Variants in NPEPL1 observed in about 807,000 individuals in gnomAD.
The protein encoded by NPEPL1 is probable aminopeptidase NPEPL1.
NPEPL1 carries 45 observed loss-of-function variants against 52.4 expected under a neutral mutation model. That is an observed-to-expected ratio of 0.86 (90% confidence interval 0.68 to 1.10). NPEPL1 has a LOEUF of 1.10. Among genes scored for constraint, NPEPL1 ranks in the 50% least tolerant of loss-of-function variants. The probability of loss-of-function intolerance (pLI) is 0.00; values close to 1 mark genes in which losing one functional copy is unlikely to be tolerated. For synonymous variants in NPEPL1, 360 were observed against 314.7 expected (o/e 1.14, Z -1.52); for missense variants, 696 against 710.9 (o/e 0.98, Z 0.24).
chr20:58,701,383 G>C (rs943719251), intron 6 of NPEPL1, among the ~76,000 whole-genome samples: 1 of 144,188 alleles, frequency 6.9e-6, no homozygotes, highest in Non-Finnish European at 1.5e-5. Context: ...GGGGGGGGGG[G>C]AGGGGCCCAG....
upstream of NPEPL1, chr20:58,691,708 T>TTTTTTTTA: frequency 1.4e-6 from 1 of 739,654 alleles, no homozygotes; most frequent in South Asian, 2.0e-5. Flanking sequence ...TTTTTTTTTT[T>TTTTTTTTA]TTTTTTCATT....
intron 6 of NPEPL1, among the ~76,000 whole-genome samples, chr20:58,702,537 T>G (rs185659897): frequency 2.8e-4 from 42 of 149,314 alleles, no homozygotes; most frequent in Non-Finnish European, 3.0e-4. Context: ...GGGTTTTTTG[T>G]TTTTTTTTAA....
rs1352634364 is a variant in NPEPL1 at position 58,713,742 on chromosome 20, C to T, written c.1126-175C>T. ...CCAGGCTGGATGCAGAGCCGGGAACCGCCTCCTGTGTGCTTCATGGCCATG... is the reference window on the plus strand; with the variant it reads ...CCAGGCTGGATGCAGAGCCGGGAACTGCCTCCTGTGTGCTTCATGGCCATG... On this transcript the variant is annotated intron_variant, in intron 9 of 11. Transcript: ENST00000356091. This position sits in a 1 kb window ranked among gnomAD's most constrained non-coding sequence, Gnocchi z 4.6. 28 of 1,053,716 alleles carry T rather than the reference C, an allele frequency of 2.7e-5. No individual in the cohort carries two copies. In the East Asian group the frequency reaches 4.2e-4, roughly 16 times the overall value. 65.3% of individuals were successfully genotyped at this position (1,053,716 alleles called of 1,614,324 possible).
At chr20:58,712,141 C>T (rs568755981) in intron 7 of NPEPL1, among the ~76,000 whole-genome samples, 2 of 152,220 alleles carry the variant, frequency 1.3e-5, no homozygotes, top group South Asian at 2.1e-4. Flanking sequence ...TGAGGGGACG[C>T]GGCTGCTGGC....
At chr20:58,694,356 A>G in intron 2 of NPEPL1, 66 bp from the exon 3 acceptor site, 2 of 1,496,766 alleles carry the variant, frequency 1.3e-6, no homozygotes, top group Non-Finnish European at 1.8e-6. Flanking sequence ...GCGTTCAAAG[A>G]GCAGCTCCCT....
chr20:58,706,873 C>T (rs2084743817), intron 6 of NPEPL1, among the ~76,000 whole-genome samples: 1 of 152,210 alleles, frequency 6.6e-6, no homozygotes, highest in African/African-American at 2.4e-5. Flanking sequence ...CCCCAAAGTT[C>T]TGTCAAAACA....
chr20:58,692,800 AGGGCCGGGGCGGTGCCGAGGCC>A lies in NPEPL1; in HGVS notation c.-93_-72del, dbSNP rs1197424227. On this transcript the variant is annotated 5_prime_UTR_variant, in exon 1 of 12. Coordinates refer to ENST00000356091, the MANE Select transcript of NPEPL1 (RefSeq NM_024663.4). The surrounding 1 kb of genome is among the most constrained non-coding windows in gnomAD (Gnocchi z 5.7). ...AGGCGGGGCCCGCGGGCTGCCGGGC[AGGGCCGGGGCGGTGCCGAGGCC>A]GGGCCGGAGCGGGGCGAAGGGGGCC... 3 of 969,204 alleles carry A rather than the reference AGGGCCGGGGCGGTGCCGAGGCC, an allele frequency of 3.1e-6. No homozygotes were observed. Among genetic ancestry groups the A allele is most frequent in the African/African-American group, 3.6e-5 (2 of 55,058 alleles). 60.0% of individuals were successfully genotyped at this position (969,204 alleles called of 1,614,324 possible).
At chr20:58,704,863 A>G (rs2084706506) in intron 6 of NPEPL1, among the ~76,000 whole-genome samples, 2 of 152,256 alleles carry the variant, frequency 1.3e-5, no homozygotes, top group African/African-American at 4.8e-5. Flanking sequence ...CTGAAGCCTC[A>G]TGAATAGACT....
At position 58,699,240 on chromosome 20, in the gene NPEPL1, T is replaced by C; in HGVS notation, c.641T>C (p.Ile214Thr). ...VGKELGIIPTIIRDEELKTRG... is the reference protein window; with the variant it reads ...VGKELGIIPTTIRDEELKTRG... ...AAGGAGCTGGGGATCATCCCAACCATCATCCGGGATGAGGAACTGAAGACG... is the reference window on the plus strand; with the variant it reads ...AAGGAGCTGGGGATCATCCCAACCACCATCCGGGATGAGGAACTGAAGACG... The change falls in exon 5 of 12, where the codon ATC becomes ACC. Residue 214 changes from isoleucine to threonine, a missense_variant. Ile to Thr is a moderately conservative substitution (Grantham distance 89). Coordinates refer to ENST00000356091, the MANE Select transcript of NPEPL1 (RefSeq NM_024663.4). The C allele has an allele frequency of 6.2e-7, 1 of 1,606,974 alleles. No homozygotes were observed. The highest frequency in any genetic ancestry group is 8.5e-7 in the Non-Finnish European group (1 of 1,176,790).
chr20:58,715,627 G>A lies in NPEPL1; in HGVS notation c.*301G>A. On this transcript the variant is annotated 3_prime_UTR_variant, in exon 12 of 12. Coordinates refer to ENST00000356091, the MANE Select transcript of NPEPL1 (RefSeq NM_024663.4). The stretch of plus-strand genomic sequence containing the variant: ...GGGTGAGGCCTCCTGCCTGCCTGGT[G>A]CCCTGTCCCAGCCCCAGGTCCTGTG... 3.8e-6 allele frequency: 1 copy of A among 259,966 alleles called. No homozygotes were observed. Among genetic ancestry groups the A allele is most frequent in the Non-Finnish European group, 7.3e-6 (1 of 137,144 alleles). 16.1% of individuals were successfully genotyped at this position (259,966 alleles called of 1,614,324 possible). A position where few individuals can be genotyped will look rare whatever the true frequency, so the allele number is the denominator to read the frequency against.
At chr20:58,697,898 C>T (rs964150163) in intron 3 of NPEPL1, among the ~76,000 whole-genome samples, 7 of 152,224 alleles carry the variant, frequency 4.6e-5, no homozygotes, top group African/African-American at 1.7e-4. Flanking sequence ...CTCTGCCCTG[C>T]CTTCGAGTGT....
intron 7 of NPEPL1, among the ~76,000 whole-genome samples, chr20:58,710,544 C>T (rs917933365): frequency 1.3e-5 from 2 of 152,120 alleles, no homozygotes; most frequent in African/African-American, 4.8e-5. Context: ...AACCCTTGGC[C>T]GCCCTGGGGG....
chr20:58,712,372 A>ATC (rs368064359), intron 7 of NPEPL1, 107 bp from the exon 8 acceptor site: 53 of 716,770 alleles, frequency 7.4e-5, no homozygotes, highest in Middle Eastern at 3.3e-4. Context: ...ACTTGGAGCC[A>ATC]TCTCTCTCTC....
At position 58,712,590 on chromosome 20, in the gene NPEPL1, C is replaced by T; in HGVS notation, c.1001+11C>T. 2 of 1,569,736 alleles carry T rather than the reference C, an allele frequency of 1.3e-6. No individual in the cohort carries two copies. Among genetic ancestry groups the T allele is most frequent in the Non-Finnish European group, 1.8e-6 (2 of 1,139,864 alleles). On this transcript the variant is annotated intron_variant, in intron 8 of 11. Transcript: ENST00000356091. ...GCTGTACTCAGGGAAGTACGTCTGG[C>T]CCTCCCACTCCTTCCTGCCCACTGT...
chr20:58,698,527 C>T (rs2084538639), intron 3 of NPEPL1, among the ~76,000 whole-genome samples, 157 bp from the exon 4 acceptor site: 2 of 151,986 alleles, frequency 1.3e-5, no homozygotes, highest in Non-Finnish European at 2.9e-5. Flanking sequence ...GTGGGGCAGG[C>T]AGCGAGAGCC....
intron 4 of NPEPL1, 24 bp from the exon 5 acceptor site, chr20:58,699,173 T>A: frequency 6.4e-7 from 1 of 1,567,058 alleles, no homozygotes; most frequent in South Asian, 1.2e-5. Context: ...GTTGTGCTGT[T>A]GTTTTTTCCA....
chr20:58,694,002 G>T (rs557907337), intron 2 of NPEPL1, 80 bp downstream of exon 2: 8 of 1,353,576 alleles, frequency 5.9e-6, no homozygotes, highest in South Asian at 4.2e-5. Context: ...TCACAGCCCT[G>T]CTCAGACTGC....
chr20:58,711,741 C>T (rs1167487453), intron 7 of NPEPL1: 1 of 152,614 alleles, frequency 6.6e-6, no homozygotes, highest in African/African-American at 2.4e-5. Context: ...TTGGTGAGGG[C>T]TCTGCACCCG....
Position 58,713,489 on chromosome 20 carries a change from C to T in NPEPL1, c.1071C>T (p.Cys357=). Reference sequence around the variant, plus strand: ...TGGCAGATGGCGTGTCCTATGCTTGCAAGGACCTGGGGGCCGACATCATCC... The same window carrying T: ...TGGCAGATGGCGTGTCCTATGCTTGTAAGGACCTGGGGGCCGACATCATCC... ...LVLADGVSYA[C]KDLGADIILD... Residue 357 remains cysteine, a synonymous_variant, in exon 9 of 12, where the codon TGC becomes TGT. Coordinates refer to ENST00000356091, the MANE Select transcript of NPEPL1 (RefSeq NM_024663.4). This position sits in a 1 kb window ranked among gnomAD's most constrained non-coding sequence, Gnocchi z 4.6. 2 of 1,611,616 alleles carry T rather than the reference C, an allele frequency of 1.2e-6. No homozygotes were observed. The highest frequency in any genetic ancestry group is 1.7e-6 in the Non-Finnish European group (2 of 1,179,156).
Sources: allele counts gnomAD v4.1 joint callset (sites outside exome capture counted in the v4.1 genomes callset), GRCh38; gene constraint gnomAD v4.1.1; non-coding constraint Gnocchi (gnomAD v3.1); transcripts MANE v1.5; gene names NCBI Gene and HGNC (gene_info 2026-07-23, HGNC 2026-07-21).